Variants in HS3ST4 observed in about 807,000 individuals in gnomAD.
The protein encoded by HS3ST4 is heparan sulfate-glucosamine 3-sulfotransferase 4.
HS3ST4 carries 17 observed loss-of-function variants against 29.2 expected under a neutral mutation model. The observed-to-expected ratio is 0.58, with a 90% confidence interval of 0.40 to 0.87. HS3ST4 has a LOEUF of 0.87. Ranked by LOEUF, HS3ST4 falls within the 40% of genes least tolerant of loss-of-function variation. The pLI is 0.00. For missense variants in HS3ST4, 627 were observed against 634.5 expected, an observed-to-expected ratio of 0.99 and a Z score of 0.13; for synonymous variants, 314 against 285.7, an observed-to-expected ratio of 1.10 and a Z score of -1.00.
intron 1 of HS3ST4, among the ~76,000 whole-genome samples, chr16:25,789,902 CT>C (rs984668257): frequency 3.3e-5 from 5 of 152,176 alleles, no homozygotes; most frequent in African/African-American, 9.7e-5. Flanking sequence ...GTAGTGTGTT[CT>C]TTTTCATCAC....
At chr16:26,015,398 T>G (rs1054294483) in intron 1 of HS3ST4, among the ~76,000 whole-genome samples, 1 of 152,244 alleles carries the variant, frequency 6.6e-6, no homozygotes, top group South Asian at 2.1e-4. Context: ...TTTTTAGAGA[T>G]GTCTTATCCT....
chr16:25,834,608 A>G (rs1967338602), intron 1 of HS3ST4, among the ~76,000 whole-genome samples: 1 of 152,326 alleles, frequency 6.6e-6, no homozygotes, highest in Admixed American at 6.5e-5. Context: ...TGCTATATAT[A>G]TGTATATAGT....
chr16:25,726,557 T>C (rs574020396), intron 1 of HS3ST4, among the ~76,000 whole-genome samples: 1 of 152,330 alleles, frequency 6.6e-6, no homozygotes, highest in Non-Finnish European at 1.5e-5. Flanking sequence ...TAAAGGCTTT[T>C]GGTACACATT....
In HS3ST4 at chr16:25,836,670, G is replaced by A. The variant is rs114262401; in HGVS notation, c.734+143519G>A. Among the ~76,000 whole-genome samples the A allele has an allele frequency of 8.3e-4, 126 of 152,292 alleles. 1 individual carries two copies. Among genetic ancestry groups the A allele is most frequent in the Non-Finnish European group, 1.6e-3 (108 of 68,028 alleles). ...GCTTAAGTGACAGTTGAAATGGCGT[G>A]TTTGTCAGCGTAGAAATGAAAAACA... On this transcript the variant is annotated intron_variant, in intron 1 of 1. Transcript: ENST00000331351.
At chr16:26,018,163 C>G (rs57001288) in intron 1 of HS3ST4, among the ~76,000 whole-genome samples, 6,083 of 152,290 alleles carry the variant, frequency 0.04, 397 homozygotes, top group African/African-American at 0.13. Flanking sequence ...CTTTTTATCT[C>G]TGTGTGGCCA....
intron 1 of HS3ST4, among the ~76,000 whole-genome samples, chr16:25,727,475 A>G (rs1567228135): frequency 6.6e-6 from 1 of 152,366 alleles, no homozygotes; most frequent in South Asian, 2.1e-4. Flanking sequence ...AAAAAAGGTT[A>G]GCAAGTATAA....
intron 1 of HS3ST4, among the ~76,000 whole-genome samples, chr16:25,919,787 G>A (rs1281210574): frequency 6.6e-6 from 1 of 152,186 alleles, no homozygotes; most frequent in Non-Finnish European, 1.5e-5. Context: ...AATAAATGGG[G>A]TCTTAAACAT....
chr16:25,792,549 TA>T (rs1217699031), intron 1 of HS3ST4, among the ~76,000 whole-genome samples: 2 of 151,954 alleles, frequency 1.3e-5, no homozygotes, highest in East Asian at 3.8e-4. Context: ...TTTTCTAGAA[TA>T]TTTTTTATTG....
intron 1 of HS3ST4, among the ~76,000 whole-genome samples, chr16:25,855,732 G>A (rs114910176): frequency 1.3e-5 from 2 of 152,070 alleles, no homozygotes; most frequent in Non-Finnish European, 2.9e-5. Context: ...TCACCAAGGG[G>A]CTGTGTGTGT....
chr16:25,875,020 G>A (rs189511534), intron 1 of HS3ST4, among the ~76,000 whole-genome samples: 4 of 152,228 alleles, frequency 2.6e-5, no homozygotes, highest in East Asian at 1.9e-4. Flanking sequence ...TGCCTTGCCC[G>A]TTGTAGTTCC....
chr16:26,017,846 G>C (rs923348871), intron 1 of HS3ST4, among the ~76,000 whole-genome samples: 25 of 152,306 alleles, frequency 1.6e-4, no homozygotes, highest in Non-Finnish European at 2.8e-4. Flanking sequence ...AGGAAAGGCA[G>C]ACCCCACAAA....
chr16:25,910,690 G>A lies in HS3ST4; in HGVS notation c.734+217539G>A, dbSNP rs1482045046. Among the ~76,000 whole-genome samples the A allele has an allele frequency of 5.9e-5, 9 of 152,006 alleles. No homozygotes were observed. In the South Asian group the frequency reaches 1.7e-3, roughly 28 times the overall value. On this transcript the variant is annotated intron_variant, in intron 1 of 1. Coordinates refer to ENST00000331351, the MANE Select transcript of HS3ST4 (RefSeq NM_006040.3). ...ACAAAAAAAACAAGTTTATGCAAGC[G>A]GCATAGACAATAAGTAAACAAATGG...
At position 25,812,167 on chromosome 16, in the gene HS3ST4, C is replaced by T. The variant is rs1967048299; in HGVS notation, c.734+119016C>T. Among the ~76,000 whole-genome samples, 13 of 152,244 alleles carry T rather than the reference C, an allele frequency of 8.5e-5. No individual in the cohort carries two copies. In the South Asian group the frequency reaches 2.7e-3, roughly 32 times the overall value. On this transcript the variant is annotated intron_variant, in intron 1 of 1. Transcript: ENST00000331351. ...TTGTTTTGATCATTTCTAACCAGCT[C>T]CTAGGTGAGGCTGAAGTTGCTGCTC...
intron 1 of HS3ST4, among the ~76,000 whole-genome samples, chr16:26,053,727 A>G (rs4536478): frequency 0.08 from 12,144 of 152,230 alleles, 753 homozygotes; most frequent in African/African-American, 0.17. Context: ...ACCAATATAT[A>G]TATAAAAAAT....
rs150919696 is a variant in HS3ST4, at chr16:25,936,897, G to A, written c.735-198715G>A. ...AAGATAGAGTTTTGGAAGGAAGAAC[G>A]GAAATGGAAAGTACAGTTGCAGGTG... On this transcript the variant is annotated intron_variant, in intron 1 of 1. Coordinates refer to ENST00000331351, the MANE Select transcript of HS3ST4 (RefSeq NM_006040.3). 2.8e-3 allele frequency among the ~76,000 whole-genome samples: 426 copies of A among 152,308 alleles called. 1 individual carries two copies. The highest frequency in any genetic ancestry group is 9.4e-3 in the African/African-American group (391 of 41,574).
At chr16:25,892,249 G>A (rs558918350) in intron 1 of HS3ST4, among the ~76,000 whole-genome samples, 1 of 152,312 alleles carries the variant, frequency 6.6e-6, no homozygotes, top group African/African-American at 2.4e-5. Flanking sequence ...TGTTTTAGGG[G>A]CAGGCATGCG....
chr16:26,063,357 T>C (rs1014807921), intron 1 of HS3ST4, among the ~76,000 whole-genome samples: 8 of 152,024 alleles, frequency 5.3e-5, no homozygotes, highest in Non-Finnish European at 1.0e-4. Flanking sequence ...TTTCAGCAAA[T>C]GAGACCATGC....
chr16:25,778,759 GAGAAGA>G (rs941102070), intron 1 of HS3ST4, among the ~76,000 whole-genome samples: 1 of 151,932 alleles, frequency 6.6e-6, no homozygotes, highest in African/African-American at 2.4e-5. Context: ...GAAGGAGGAG[GAGAAGA>G]AGGAGAAGGA....
chr16:25,799,755 G>A (rs932291655), intron 1 of HS3ST4, among the ~76,000 whole-genome samples: 5 of 152,084 alleles, frequency 3.3e-5, no homozygotes, highest in African/African-American at 1.2e-4. Flanking sequence ...TTTTTATAAA[G>A]TTCTTAGAAT....
Sources: gnomAD v4.1 joint callset for allele counts (sites outside exome capture counted in the v4.1 genomes callset) on GRCh38, gnomAD v4.1.1 for gene constraint, MANE v1.5 for transcripts, NCBI Gene and HGNC (gene_info 2026-07-23, HGNC 2026-07-21) for gene names.